The following PLCH1 variants were observed in gnomAD, a reference collection of about 807,000 sequenced individuals.
The protein encoded by PLCH1 is phospholipase C eta 1.
A neutral mutation model predicts 126.7 loss-of-function variants in PLCH1; 60 were observed. That is an observed-to-expected ratio of 0.47 (90% CI 0.38 to 0.59). The LOEUF (loss-of-function observed/expected upper bound fraction) is 0.59, where lower values mean the gene tolerates loss of function less well. Among genes scored for constraint, PLCH1 ranks in the 20% least tolerant of loss-of-function variants. The pLI, the probability that PLCH1 is intolerant of heterozygous loss-of-function variation, is 0.00. For missense variants in PLCH1, 1,723 were observed against 2,040.0 expected, an observed-to-expected ratio of 0.84 and a Z score of 2.99; for synonymous variants, 719 against 734.9, an observed-to-expected ratio of 0.98 and a Z score of 0.35.
chr3:155,718,364 C>T (rs1747682584), intron 1 of PLCH1, among the ~76,000 whole-genome samples: 1 of 152,186 alleles, frequency 6.6e-6, no homozygotes, highest in Admixed American at 6.5e-5. Flanking sequence ...TTACCCAGTT[C>T]CTAAGCTGCT....
chr3:155,486,266 C>A, intron 21 of PLCH1: 7 of 1,019,690 alleles, frequency 6.9e-6, no homozygotes, highest in South Asian at 1.5e-5. Context: ...AAGAGGGTGT[C>A]ACAAGTAAAC....
chr3:155,480,844 G>A lies in PLCH1; in HGVS notation c.*124C>T. ...CAGGGAGAACACATGAAGTCAAAGG[G>A]AGACCCAAATACAAGTTTAAAAATA... On this transcript the variant is annotated 3_prime_UTR_variant, in exon 23 of 23. Transcript: ENST00000460012. 1 of 821,060 alleles carries A rather than the reference G, an allele frequency of 1.2e-6. No homozygotes were observed. The highest frequency in any genetic ancestry group is 1.9e-6 in the Non-Finnish European group (1 of 520,880). The allele number at this position is 821,060 out of a possible 1,614,324, so 50.9% of individuals were successfully genotyped here. A position where few individuals can be genotyped will look rare whatever the true frequency, so the allele number is the denominator to read the frequency against.
intron 4 of PLCH1, among the ~76,000 whole-genome samples, chr3:155,587,931 A>G (rs916908287): frequency 3.1e-4 from 47 of 152,220 alleles, no homozygotes; most frequent in African/African-American, 1.1e-3. Flanking sequence ...TGGAGAGGAA[A>G]AGAATAAGGT....
intron 2 of PLCH1, among the ~76,000 whole-genome samples, chr3:155,604,688 C>T (rs1332335947): frequency 6.6e-6 from 1 of 151,950 alleles, no homozygotes; most frequent in Non-Finnish European, 1.5e-5. Flanking sequence ...TTTCCATACT[C>T]ATGGAAAACA....
intron 2 of PLCH1, among the ~76,000 whole-genome samples, chr3:155,620,659 T>C (rs551741506): frequency 6.6e-6 from 1 of 152,214 alleles, no homozygotes; most frequent in African/African-American, 2.4e-5. Flanking sequence ...ATAAGAAAGA[T>C]GATGACCCAC....
At chr3:155,690,554 T>G (rs565183231) in intron 2 of PLCH1, among the ~76,000 whole-genome samples, 1 of 152,258 alleles carries the variant, frequency 6.6e-6, no homozygotes, top group East Asian at 1.9e-4. Flanking sequence ...AGATTCAAAT[T>G]TTTAAGCCCA....
chr3:155,481,905 C>A lies in PLCH1; in HGVS notation c.4121G>T (p.Ser1374Ile), dbSNP rs756192239. Residue 1374 changes from serine to isoleucine, a missense_variant, in exon 23 of 23, where the codon AGT (serine) becomes ATT (isoleucine). By Grantham distance (142) the Ser-to-Ile change is moderately radical. Transcript: ENST00000460012. The surrounding 1 kb of genome is among the most constrained non-coding windows in gnomAD (Gnocchi z 4.2). ...GAGTTTTAAAGGAGAAGCAAGTTGA[C>A]TTGTGCCCTCTCTCCTATATTCACA... ...TTCEYRREGT[S>I]QLASPLKLKY... The A allele has an allele frequency of 6.2e-7, 1 of 1,614,160 alleles. No homozygotes were observed. Among genetic ancestry groups the A allele is most frequent in the Admixed American group, 1.7e-5 (1 of 60,024 alleles).
intron 3 of PLCH1, among the ~76,000 whole-genome samples, chr3:155,595,345 G>C (rs928371716): frequency 6.6e-6 from 1 of 152,190 alleles, no homozygotes; most frequent in African/African-American, 2.4e-5. Context: ...TCAGAAGTTT[G>C]TATATCCTAT....
At chr3:155,553,099 C>A (rs1245170100) in intron 9 of PLCH1, among the ~76,000 whole-genome samples, 1 of 152,102 alleles carries the variant, frequency 6.6e-6, no homozygotes, top group Admixed American at 6.5e-5. Context: ...GATGAATATT[C>A]ACTGAGGATT....
intron 12 of PLCH1, among the ~76,000 whole-genome samples, chr3:155,511,732 G>A (rs1476668984): frequency 6.9e-6 from 1 of 144,988 alleles, no homozygotes; most frequent in East Asian, 2.1e-4. Flanking sequence ...GCTGCGTGCT[G>A]GGAGAACCAC....
chr3:155,456,933 G>A (rs769123211), intron 21 of PLCH1: 1 of 152,766 alleles, frequency 6.5e-6, no homozygotes, highest in African/African-American at 2.4e-5. Flanking sequence ...AATCTCACAG[G>A]TGGAATTCAA....
intron 21 of PLCH1, among the ~76,000 whole-genome samples, chr3:155,458,449 GGAAGGAAAGAAAGAAAGAAA>G (rs1298486699): frequency 1.9e-4 from 6 of 31,640 alleles, no homozygotes; most frequent in South Asian, 2.6e-3. Flanking sequence ...AAGGAAGGAA[GGAAGGAAAGAAAGAAAGAAA>G]GAAAGAAAGA....
intron 21 of PLCH1, among the ~76,000 whole-genome samples, chr3:155,473,950 T>G (rs2107985964): frequency 1.3e-5 from 2 of 151,664 alleles, no homozygotes; most frequent in South Asian, 4.2e-4. Context: ...GACTTAAACG[T>G]TAGACCTAAA....
At position 155,604,933 on chromosome 3, in the gene PLCH1, C is replaced by T. The variant is rs117391994; in HGVS notation, c.80-8555G>A. Among the ~76,000 whole-genome samples the T allele has an allele frequency of 3.4e-4, 52 of 152,234 alleles. 1 individual carries two copies. In the East Asian group the frequency reaches 9.1e-3, roughly 27 times the overall value. On this transcript the variant is annotated intron_variant, in intron 2 of 22. Transcript: ENST00000460012. Reference sequence around the variant, plus strand: ...TAGTGTGACAAGTCTTAGATTGTAGCGAATCTGGTGTACTTTGTGCTCTGA... The same window carrying T: ...TAGTGTGACAAGTCTTAGATTGTAGTGAATCTGGTGTACTTTGTGCTCTGA...
intron 10 of PLCH1, among the ~76,000 whole-genome samples, chr3:155,527,354 C>T (rs1444745166): frequency 6.6e-6 from 1 of 152,198 alleles, no homozygotes; most frequent in African/African-American, 2.4e-5. Context: ...ACTATTACCC[C>T]TTTCAGAATT....
chr3:155,485,566 T>C lies in PLCH1; in HGVS notation c.2764A>G (p.Lys922Glu), dbSNP rs767558224. The C allele has an allele frequency of 1.9e-6, 3 of 1,614,094 alleles. No individual in the cohort carries two copies. The African/African-American group carries it at 4.0e-5, about 22-fold the overall frequency. ...TCTTGGAAGCCCATTTTGCTCTTTTTCCTGCCTTTGGCTGGGGCGCTAGCT... is the reference window on the plus strand; with the variant it reads ...TCTTGGAAGCCCATTTTGCTCTTTTCCCTGCCTTTGGCTGGGGCGCTAGCT... ...RTASAPAKGR[K>E]KSKMGFQEMV... is the part of the protein sequence containing the mutation. The change falls in exon 22 of 23, where the codon AAA becomes GAA. Residue 922 changes from lysine (K) to glutamate (E), a missense_variant. Physicochemically the swap from Lys to Glu is moderately conservative, Grantham distance 56. Transcript: ENST00000460012.
chr3:155,638,375 A>G (rs1738983186), intron 2 of PLCH1, among the ~76,000 whole-genome samples: 1 of 152,222 alleles, frequency 6.6e-6, no homozygotes, highest in South Asian at 2.1e-4. Flanking sequence ...TTAACCATGT[A>G]CATGTTCCCC....
chr3:155,662,312 TA>T (rs1009138547), intron 2 of PLCH1, among the ~76,000 whole-genome samples: 6 of 151,882 alleles, frequency 4.0e-5, no homozygotes, highest in African/African-American at 1.2e-4. Context: ...AATATTTAAT[TA>T]AAAAATTAGC....
At chr3:155,676,248 A>G in intron 2 of PLCH1, 1 of 1,224,374 alleles carries the variant, frequency 8.2e-7, no homozygotes, top group Non-Finnish European at 1.0e-6. Context: ...AAATAAATCC[A>G]TGAGATATGA....
Sources: allele counts gnomAD v4.1 joint callset (sites outside exome capture counted in the v4.1 genomes callset), GRCh38; gene constraint gnomAD v4.1.1; non-coding constraint Gnocchi (gnomAD v3.1); transcripts MANE v1.5; gene names NCBI Gene and HGNC (gene_info 2026-07-23, HGNC 2026-07-21).